Variants in KLHL18 observed in about 807,000 individuals in gnomAD.
KLHL18 encodes the protein kelch like family member 18.
KLHL18 carries 38 observed loss-of-function variants against 58.5 expected under a neutral mutation model. That is an observed-to-expected ratio of 0.65 (90% CI 0.50 to 0.85). The LOEUF is 0.85. KLHL18 is among the 40% of genes least tolerant of loss of function. The pLI, the probability that KLHL18 is intolerant of heterozygous loss-of-function variation, is 0.00. For synonymous variants in KLHL18, 303 were observed against 301.9 expected, an observed-to-expected ratio of 1.00 and a Z score of -0.04; for missense variants, 624 against 778.4, an observed-to-expected ratio of 0.80 and a Z score of 2.36.
chr3:47,299,998 A>G (rs1387463322), intron 1 of KLHL18, among the ~76,000 whole-genome samples: 3 of 151,818 alleles, frequency 2.0e-5, no homozygotes, highest in Admixed American at 1.3e-4. Flanking sequence ...TAGCCTCCGC[A>G]ATTGCATGAG....
intron 4 of KLHL18, among the ~76,000 whole-genome samples, chr3:47,332,046 C>A (rs560862514): frequency 3.3e-5 from 5 of 152,052 alleles, no homozygotes; most frequent in Non-Finnish European, 5.9e-5. Flanking sequence ...GGATGAGGGA[C>A]GAAGGTTAGA....
chr3:47,329,942 A>G lies in KLHL18; in HGVS notation c.402-9A>G. The G allele has an allele frequency of 6.2e-7, 1 of 1,610,914 alleles. No homozygotes were observed. The highest frequency in any genetic ancestry group is 8.5e-7 in the Non-Finnish European group (1 of 1,178,658). On this transcript the variant is annotated splice_polypyrimidine_tract_variant and intron_variant, in intron 3 of 9. Coordinates refer to ENST00000232766, the MANE Select transcript of KLHL18 (RefSeq NM_025010.5). ...CCTCTAATTTTTTTTTTCTTTCCTT[A>G]TGCCAAAGGCTTCACCCAAAAAACT...
At chr3:47,319,393 A>C (rs1398949810) in intron 1 of KLHL18, among the ~76,000 whole-genome samples, 1 of 152,206 alleles carries the variant, frequency 6.6e-6, no homozygotes. Flanking sequence ...ATTCAGGCTT[A>C]AATTTTTTAG....
Position 47,336,632 on chromosome 3 carries a change from T to C in KLHL18, c.996T>C (p.Ala332=), listed in dbSNP as rs1418112587. 6.8e-6 allele frequency: 11 copies of C among 1,614,160 alleles called. No homozygotes were observed. Among genetic ancestry groups the C allele is most frequent in the African/African-American group, 1.3e-5 (1 of 74,958 alleles). The change falls in exon 7 of 10, where the codon GCT becomes GCC. Residue 332 remains alanine (A), a synonymous_variant. Coordinates refer to ENST00000232766, the MANE Select transcript of KLHL18 (RefSeq NM_025010.5). ...MTTARSRVGV[A]VVNGLLYAIG... ...CAGCCCGCAGCCGCGTTGGCGTGGC[T>C]GTGGTGAACGGGCTTCTCTATGCCA...
At chr3:47,325,204 C>A (rs367675011) in intron 3 of KLHL18, among the ~76,000 whole-genome samples, 34 of 151,858 alleles carry the variant, frequency 2.2e-4, no homozygotes, top group African/African-American at 7.7e-4. Flanking sequence ...TAAGGCGGAG[C>A]CTTGCTCTGT....
At chr3:47,319,827 GC>G (rs1703543787) in intron 2 of KLHL18, 44 bp downstream of exon 2, 1 of 1,605,948 alleles carries the variant, frequency 6.2e-7, no homozygotes, top group Non-Finnish European at 8.5e-7. Context: ...CTTTCCAAGT[GC>G]AGTTTCAGCC....
intron 1 of KLHL18, among the ~76,000 whole-genome samples, chr3:47,286,656 C>T (rs544172555): frequency 6.6e-6 from 1 of 152,312 alleles, no homozygotes; most frequent in East Asian, 1.9e-4. Flanking sequence ...CCCTGTGATG[C>T]TACTGTTAGT....
chr3:47,341,994 G>A (rs558597318), intron 8 of KLHL18, among the ~76,000 whole-genome samples: 2 of 152,130 alleles, frequency 1.3e-5, no homozygotes, highest in African/African-American at 4.8e-5. Context: ...GCTGAGGCAG[G>A]AAGATTGCTT....
intron 1 of KLHL18, among the ~76,000 whole-genome samples, chr3:47,301,588 G>A (rs1156296464): frequency 1.3e-5 from 2 of 152,052 alleles, no homozygotes; most frequent in Non-Finnish European, 2.9e-5. Flanking sequence ...CTTTGTTCCT[G>A]TCCCTTCACC....
rs750676861 is a variant in KLHL18 at position 47,333,142 on chromosome 3, C to T, written c.601-15C>T. ...GTGGGAGGATTTGCTGCCAGAACAT[C>T]CACTCTCATGACAGGTCTTTGAAGC... On this transcript the variant is annotated splice_polypyrimidine_tract_variant and intron_variant, in intron 4 of 9. Coordinates refer to ENST00000232766, the MANE Select transcript of KLHL18 (RefSeq NM_025010.5). The T allele has an allele frequency of 2.5e-6, 4 of 1,608,284 alleles. No homozygotes were observed. The highest frequency in any genetic ancestry group is 3.4e-5 in the Admixed American group (2 of 59,380).
chr3:47,283,048 T>G lies in KLHL18; in HGVS notation c.83T>G (p.Met28Arg), dbSNP rs1260965354. The G allele has an allele frequency of 6.2e-7, 1 of 1,600,386 alleles. No individual in the cohort carries two copies. Among genetic ancestry groups the G allele is most frequent in the Admixed American group, 1.7e-5 (1 of 57,804 alleles). ...TTGCCTAGTCGCGGCTACGGCGTCATGGAGGAGATCCGGCGGCAGGGCAAG... is the reference window on the plus strand; with the variant it reads ...TTGCCTAGTCGCGGCTACGGCGTCAGGGAGGAGATCCGGCGGCAGGGCAAG... ...SELPSRGYGVMEEIRRQGKLC... is the reference protein window; with the variant it reads ...SELPSRGYGVREEIRRQGKLC... Residue 28 changes from methionine (M) to arginine (R), a missense_variant, in exon 1 of 10, where the codon ATG (methionine) becomes AGG (arginine). Transcript: ENST00000232766.
intron 1 of KLHL18, among the ~76,000 whole-genome samples, chr3:47,292,019 A>G (rs1185819634): frequency 1.3e-5 from 2 of 152,202 alleles, no homozygotes; most frequent in Admixed American, 1.3e-4. Flanking sequence ...GCAGAATGGC[A>G]GGCCAGAGAC....
intron 1 of KLHL18, among the ~76,000 whole-genome samples, chr3:47,316,601 A>G (rs905186564): frequency 8.2e-6 from 1 of 122,490 alleles, no homozygotes. Flanking sequence ...ATACGTATAT[A>G]TGTATATGTG....
chr3:47,343,665 G>A lies in KLHL18; in HGVS notation c.1449G>A (p.Gly483=), dbSNP rs201865524. 1.9e-6 allele frequency: 3 copies of A among 1,614,132 alleles called. No homozygotes were observed. In the Admixed American group the frequency reaches 5.0e-5, roughly 27 times the overall value. ...ASLGSKMFVC[G]GYDGSGFLSI... Reference sequence around the variant, plus strand: ...TGGGGAGCAAGATGTTTGTCTGCGGGGGCTACGATGGCTCTGGCTTCCTCA... The same window carrying A: ...TGGGGAGCAAGATGTTTGTCTGCGGAGGCTACGATGGCTCTGGCTTCCTCA... The change falls in exon 10 of 10, where the codon GGG becomes GGA. Residue 483 remains glycine, a synonymous_variant. Transcript: ENST00000232766.
At position 47,344,870 on chromosome 3, in the gene KLHL18, G is replaced by T. The variant is rs936514331; in HGVS notation, c.*929G>T. On this transcript the variant is annotated 3_prime_UTR_variant, in exon 10 of 10. Coordinates refer to ENST00000232766, the MANE Select transcript of KLHL18 (RefSeq NM_025010.5). ...GTGGAATCAGTGCACTCTTGACTGG[G>T]CCTGTAGTAAGGTGCTCATGGGGTT... is the stretch of plus-strand genomic sequence containing the variant. 14 of 152,564 alleles carry T rather than the reference G, an allele frequency of 9.2e-5. No homozygotes were observed. The highest frequency in any genetic ancestry group is 3.4e-4 in the African/African-American group (14 of 41,416). 9.5% of individuals were successfully genotyped at this position (152,564 alleles called of 1,614,324 possible). A position where few individuals can be genotyped will look rare whatever the true frequency, so the allele number is the denominator to read the frequency against.
rs767040168 is a variant in KLHL18, at chr3:47,336,626, C to T, written c.990C>T (p.Gly330=). ...RPMTTARSRV[G]VAVVNGLLYA... ...TGACAACAGCCCGCAGCCGCGTTGG[C>T]GTGGCTGTGGTGAACGGGCTTCTCT... Residue 330 remains glycine (G), a synonymous_variant, in exon 7 of 10, where the codon GGC becomes GGT. Transcript: ENST00000232766. The T allele has an allele frequency of 2.2e-5, 36 of 1,614,114 alleles. No individual in the cohort carries two copies. The highest frequency in any genetic ancestry group is 5.0e-5 in the Admixed American group (3 of 60,012).
intron 1 of KLHL18, among the ~76,000 whole-genome samples, chr3:47,316,671 ATATATG>A (rs1703449079): frequency 4.0e-5 from 1 of 25,062 alleles, no homozygotes; most frequent in African/African-American, 1.0e-4. Context: ...ATATATACGT[ATATATG>A]TATATGTGTG....
chr3:47,339,873 A>C (rs759144027), intron 7 of KLHL18, among the ~76,000 whole-genome samples: 109 of 152,104 alleles, frequency 7.2e-4, no homozygotes, highest in Non-Finnish European at 1.4e-3. Flanking sequence ...GCAACATAGC[A>C]AGACCCTGTC....
intron 7 of KLHL18, chr3:47,337,686 A>C (rs1434565026): frequency 6.6e-6 from 1 of 152,214 alleles, no homozygotes; most frequent in Non-Finnish European, 1.5e-5. Flanking sequence ...CTGCCTTTGT[A>C]CTGGTGAGAC....
Sources: allele counts gnomAD v4.1 joint callset (sites outside exome capture counted in the v4.1 genomes callset), GRCh38; gene constraint gnomAD v4.1.1; transcripts MANE v1.5; gene names NCBI Gene and HGNC (gene_info 2026-07-23, HGNC 2026-07-21).